Variants in AMPH observed in about 807,000 individuals in gnomAD.
AMPH encodes amphiphysin, also known as amphiphysin (Stiff-Mann syndrome with breast cancer 128kD autoantigen).
A neutral mutation model predicts 99.1 loss-of-function variants in AMPH; 49 were observed. The ratio of observed to expected loss-of-function variants is 0.49; its 90% CI spans 0.39 to 0.63. The LOEUF (loss-of-function observed/expected upper bound fraction) is 0.63. AMPH is among the 20% of genes least tolerant of loss of function. AMPH has a pLI of 0.00. For synonymous variants in AMPH, 314 were observed against 317.3 expected (o/e 0.99, Z 0.11); for missense variants, 759 against 863.4 (o/e 0.88, Z 1.52).
intron 7 of AMPH, among the ~76,000 whole-genome samples, chr7:38,472,400 C>T (rs1401039613): frequency 6.6e-6 from 1 of 151,952 alleles, no homozygotes; most frequent in East Asian, 1.9e-4. Flanking sequence ...GAAAACAAAA[C>T]AAAACACCAA....
At chr7:38,587,465 C>T (rs1389537144) in intron 1 of AMPH, among the ~76,000 whole-genome samples, 2 of 152,120 alleles carry the variant, frequency 1.3e-5, no homozygotes, top group East Asian at 1.9e-4. Context: ...ATATTTGGAT[C>T]ACATTTTGTA....
intron 5 of AMPH, among the ~76,000 whole-genome samples, 174 bp downstream of exon 5, chr7:38,490,876 G>A (rs7777361): frequency 0.15 from 22,908 of 152,048 alleles, 3,216 homozygotes; most frequent in African/African-American, 0.37. Flanking sequence ...CTGTAATGAC[G>A]TTTCTTTTCA....
Position 38,581,436 on chromosome 7 carries a change from T to A in AMPH, c.70-46425A>T, listed in dbSNP as rs143914537. Among the ~76,000 whole-genome samples, 385 of 151,996 alleles carry A rather than the reference T, an allele frequency of 2.5e-3. 2 individuals are homozygous for A. Among genetic ancestry groups the A allele is most frequent in the African/African-American group, 8.6e-3 (357 of 41,436 alleles). On this transcript the variant is annotated intron_variant, in intron 1 of 20. Transcript: ENST00000356264. ...CCCAGAGGTCCCACAAGGATGTCAG[T>A]GTGGGTAGAGGGGAACTGGCAGGGA...
intron 2 of AMPH, among the ~76,000 whole-genome samples, chr7:38,515,084 A>C (rs1789688903): frequency 6.6e-6 from 1 of 152,192 alleles, no homozygotes; most frequent in Admixed American, 6.5e-5. Context: ...AAATATGGAC[A>C]GTAAAGGCCA....
intron 1 of AMPH, among the ~76,000 whole-genome samples, chr7:38,624,938 G>A (rs1258691402): frequency 6.6e-6 from 1 of 151,634 alleles, no homozygotes; most frequent in Non-Finnish European, 1.5e-5. Flanking sequence ...CAGAATGGAG[G>A]AAACTATAAG....
intron 11 of AMPH, among the ~76,000 whole-genome samples, chr7:38,457,221 T>C (rs1476756913): frequency 2.0e-5 from 3 of 152,116 alleles, no homozygotes; most frequent in Non-Finnish European, 2.9e-5. Flanking sequence ...CAAGGAAATA[T>C]GACACTTCCA....
intron 11 of AMPH, among the ~76,000 whole-genome samples, chr7:38,439,592 T>C (rs1786423714): frequency 6.6e-6 from 1 of 152,194 alleles, no homozygotes; most frequent in Non-Finnish European, 1.5e-5. Flanking sequence ...CCTGTACACC[T>C]TCATCACAAT....
At chr7:38,484,286 A>G (rs540090223) in intron 5 of AMPH, among the ~76,000 whole-genome samples, 8 of 152,034 alleles carry the variant, frequency 5.3e-5, no homozygotes, top group Non-Finnish European at 7.4e-5. Flanking sequence ...AAATAAAATG[A>G]ACCCCTAAAA....
chr7:38,412,342 T>C (rs2192681), intron 17 of AMPH, among the ~76,000 whole-genome samples: 146,169 of 152,286 alleles, frequency 0.96, 70,243 homozygotes, highest in East Asian at 1. Flanking sequence ...AACCTGAATC[T>C]TGAGTTCATG....
chr7:38,571,902 G>GT (rs1792057018), intron 1 of AMPH, among the ~76,000 whole-genome samples: 1 of 103,212 alleles, frequency 9.7e-6, no homozygotes, highest in Non-Finnish European at 2.0e-5. Flanking sequence ...CCCTATACAC[G>GT]TTTATCTTTT....
chr7:38,495,409 T>C (rs1788893892), intron 3 of AMPH, among the ~76,000 whole-genome samples: 1 of 152,170 alleles, frequency 6.6e-6, no homozygotes, highest in Non-Finnish European at 1.5e-5. Flanking sequence ...GATCCTCTCC[T>C]AGAGGCTCAG....
In AMPH at chr7:38,611,497, T is replaced by C. The variant is rs1584304387; in HGVS notation, c.69+19786A>G. On this transcript the variant is annotated intron_variant, in intron 1 of 20. Transcript: ENST00000356264. ...CACAATAATTTTTTTTTACAAGACG[T>C]AAACATCTCTTATCTGGACAGTGAA... 3.3e-5 allele frequency among the ~76,000 whole-genome samples: 5 copies of C among 152,292 alleles called. 1 individual carries two copies. In the East Asian group the frequency reaches 9.7e-4, roughly 29 times the overall value.
chr7:38,485,614 A>G (rs1488968003), intron 5 of AMPH, among the ~76,000 whole-genome samples: 2 of 151,956 alleles, frequency 1.3e-5, no homozygotes, highest in African/African-American at 4.8e-5. Flanking sequence ...CTGAGCAACT[A>G]TCAAATGGAC....
chr7:38,386,643 T>C (rs1030156239), intron 20 of AMPH, among the ~76,000 whole-genome samples: 2 of 152,246 alleles, frequency 1.3e-5, no homozygotes, highest in Non-Finnish European at 2.9e-5. Flanking sequence ...TTGGAATAAC[T>C]ATATATCTCC....
At chr7:38,514,743 T>G (rs1274402399) in intron 2 of AMPH, among the ~76,000 whole-genome samples, 1 of 152,236 alleles carries the variant, frequency 6.6e-6, no homozygotes, top group African/African-American at 2.4e-5. Flanking sequence ...GCCACGCCCT[T>G]GGTCTTCATA....
chr7:38,583,248 CA>C (rs1184283471), intron 1 of AMPH, among the ~76,000 whole-genome samples: 1 of 152,194 alleles, frequency 6.6e-6, no homozygotes, highest in African/African-American at 2.4e-5. Context: ...CTTCCTAGTT[CA>C]GTGACTTTGG....
At chr7:38,452,036 G>A (rs1787057343) in intron 11 of AMPH, among the ~76,000 whole-genome samples, 1 of 152,142 alleles carries the variant, frequency 6.6e-6, no homozygotes, top group Non-Finnish European at 1.5e-5. Flanking sequence ...GGGCTCTCCA[G>A]ATCTAATGGA....
chr7:38,545,042 T>G (rs1165499171), intron 1 of AMPH, among the ~76,000 whole-genome samples: 1 of 152,254 alleles, frequency 6.6e-6, no homozygotes, highest in Non-Finnish European at 1.5e-5. Context: ...AATTATTTTC[T>G]GGCAACTCTC....
At chr7:38,555,615 T>C (rs1182479315) in intron 1 of AMPH, among the ~76,000 whole-genome samples, 1 of 152,138 alleles carries the variant, frequency 6.6e-6, no homozygotes, top group African/African-American at 2.4e-5. Flanking sequence ...TAATAATAAA[T>C]TCATTTCCAG....
Sources: gnomAD v4.1 joint callset for allele counts (sites outside exome capture counted in the v4.1 genomes callset) on GRCh38, gnomAD v4.1.1 for gene constraint, MANE v1.5 for transcripts, NCBI Gene and HGNC (gene_info 2026-07-23, HGNC 2026-07-21) for gene names.